Variants in EPHA6 observed in about 807,000 individuals in gnomAD.
EPHA6 encodes EPH receptor A6, also known as ephrin type-A receptor 6.
A neutral mutation model predicts 112.0 loss-of-function variants in EPHA6; 50 were observed. The observed-to-expected ratio is 0.45, with a 90% confidence interval of 0.36 to 0.56. The LOEUF (loss-of-function observed/expected upper bound fraction) is 0.56. Among genes scored for constraint, EPHA6 ranks in the 20% least tolerant of loss-of-function variants. The pLI is 0.00. For synonymous variants in EPHA6, 529 were observed against 490.7 expected (o/e 1.08, Z -1.03); for missense variants, 1,280 against 1,417.4 (o/e 0.90, Z 1.56).
At chr3:97,154,327 C>G (rs2108383215) in intron 3 of EPHA6, among the ~76,000 whole-genome samples, 1 of 151,628 alleles carries the variant, frequency 6.6e-6, no homozygotes, top group Non-Finnish European at 1.5e-5. Flanking sequence ...TACTATGTAC[C>G]CTTTAAAATT....
intron 3 of EPHA6, among the ~76,000 whole-genome samples, chr3:97,159,793 A>C (rs1015832765): frequency 2.0e-5 from 3 of 152,198 alleles, no homozygotes; most frequent in Non-Finnish European, 4.4e-5. Flanking sequence ...TGCTGTGTAG[A>C]ACACTATGAT....
At chr3:96,858,200 A>G (rs561009200) in intron 1 of EPHA6, among the ~76,000 whole-genome samples, 2 of 152,112 alleles carry the variant, frequency 1.3e-5, no homozygotes, top group South Asian at 4.1e-4. Context: ...TTTTTGTGTT[A>G]CTCTTCTTGT....
At chr3:96,872,120 C>G (rs753005097) in intron 2 of EPHA6, among the ~76,000 whole-genome samples, 8 of 152,086 alleles carry the variant, frequency 5.3e-5, no homozygotes, top group African/African-American at 1.2e-4. Flanking sequence ...AAATGAACAG[C>G]CTCCTGCACA....
intron 3 of EPHA6, among the ~76,000 whole-genome samples, chr3:97,139,369 C>A (rs546592206): frequency 6.6e-6 from 1 of 152,144 alleles, no homozygotes; most frequent in Admixed American, 6.5e-5. Context: ...CACTCTTACT[C>A]ACAAGTACCA....
At chr3:97,002,276 T>C (rs922057541) in intron 3 of EPHA6, among the ~76,000 whole-genome samples, 1 of 151,640 alleles carries the variant, frequency 6.6e-6, no homozygotes, top group Non-Finnish European at 1.5e-5. Context: ...TGCATTTATA[T>C]ATAGATTGCT....
Position 97,750,511 on chromosome 3 carries a change from C to G in EPHA6, c.*1810C>G, listed in dbSNP as rs2035874647. Among the ~76,000 whole-genome samples the G allele has an allele frequency of 6.6e-6, 1 of 151,964 alleles. No homozygotes were observed. The highest frequency in any genetic ancestry group is 6.6e-5 in the Admixed American group (1 of 15,260). ...AGCTGGGATTACAGGCGCCTGCCACCACTCCCGGCTAATTTTTGTATTTTT... is the reference window on the plus strand; with the variant it reads ...AGCTGGGATTACAGGCGCCTGCCACGACTCCCGGCTAATTTTTGTATTTTT... On this transcript the variant is annotated 3_prime_UTR_variant, in exon 18 of 18. Coordinates refer to ENST00000389672, the MANE Select transcript of EPHA6 (RefSeq NM_001080448.3).
At chr3:97,649,748 A>G (rs2107604489) in intron 14 of EPHA6, among the ~76,000 whole-genome samples, 1 of 147,334 alleles carries the variant, frequency 6.8e-6, no homozygotes, top group East Asian at 2.0e-4. Context: ...TTGGGAAAAA[A>G]CAACAAAATC....
chr3:97,032,030 A>G (rs956135663), intron 3 of EPHA6, among the ~76,000 whole-genome samples: 1 of 152,200 alleles, frequency 6.6e-6, no homozygotes, highest in Non-Finnish European at 1.5e-5. Context: ...CACAATAGCA[A>G]AGACTTGGAA....
chr3:97,145,643 A>T (rs1292477917), intron 3 of EPHA6, among the ~76,000 whole-genome samples: 2 of 151,666 alleles, frequency 1.3e-5, no homozygotes, highest in African/African-American at 4.8e-5. Context: ...TTGTCATTGA[A>T]AGAATTTGAC....
chr3:97,504,324 T>A (rs115838557), intron 10 of EPHA6, among the ~76,000 whole-genome samples: 5,841 of 152,190 alleles, frequency 0.038, 137 homozygotes, highest in South Asian at 0.083. Flanking sequence ...AAGAAAGAGC[T>A]CTGCAGTGGG....
intron 3 of EPHA6, among the ~76,000 whole-genome samples, chr3:97,070,572 G>T (rs546931660): frequency 6.6e-6 from 1 of 152,162 alleles, no homozygotes. Flanking sequence ...ACTCAGTAAT[G>T]ATTTTGAATT....
At chr3:97,001,557 AT>A (rs1319083254) in intron 3 of EPHA6, among the ~76,000 whole-genome samples, 1 of 152,008 alleles carries the variant, frequency 6.6e-6, no homozygotes, top group Non-Finnish European at 1.5e-5. Flanking sequence ...ACTTTTATAA[AT>A]AGTTCTCCAT....
intron 2 of EPHA6, among the ~76,000 whole-genome samples, chr3:96,876,536 A>G (rs1274971697): frequency 6.6e-6 from 1 of 151,622 alleles, no homozygotes; most frequent in East Asian, 1.9e-4. Context: ...CTGAAGATCA[A>G]TTTATGTCCA....
At chr3:97,335,659 A>G (rs1195237419) in intron 5 of EPHA6, among the ~76,000 whole-genome samples, 1 of 152,158 alleles carries the variant, frequency 6.6e-6, no homozygotes, top group African/African-American at 2.4e-5. Context: ...AATTCTGTCC[A>G]TAGCAGTGTA....
chr3:96,967,044 G>GA (rs988781101), intron 2 of EPHA6, among the ~76,000 whole-genome samples: 3 of 151,564 alleles, frequency 2.0e-5, no homozygotes, highest in Non-Finnish European at 2.9e-5. Flanking sequence ...TAAAACTTAT[G>GA]AAAAATCTAA....
intron 10 of EPHA6, among the ~76,000 whole-genome samples, chr3:97,525,952 A>G (rs2092613503): frequency 6.6e-6 from 1 of 152,136 alleles, no homozygotes; most frequent in Admixed American, 6.6e-5. Flanking sequence ...CTCCTGTTGG[A>G]TAACTAAATG....
chr3:97,339,169 T>C (rs2083193640), intron 5 of EPHA6, among the ~76,000 whole-genome samples: 1 of 152,162 alleles, frequency 6.6e-6, no homozygotes, highest in Non-Finnish European at 1.5e-5. Context: ...AGTCATGTAA[T>C]GTGCAGGCCT....
At chr3:97,226,699 T>A (rs2078367098) in intron 4 of EPHA6, among the ~76,000 whole-genome samples, 1 of 152,220 alleles carries the variant, frequency 6.6e-6, no homozygotes, top group South Asian at 2.1e-4. Flanking sequence ...TAATCTGTCC[T>A]TAGGAAATTA....
chr3:96,939,555 G>T (rs1333070602), intron 2 of EPHA6, among the ~76,000 whole-genome samples: 1 of 152,088 alleles, frequency 6.6e-6, no homozygotes, highest in African/African-American at 2.4e-5. Flanking sequence ...CAAAAAACCA[G>T]CTCCTGGATT....
Sources: allele counts gnomAD v4.1 joint callset (sites outside exome capture counted in the v4.1 genomes callset), GRCh38; gene constraint gnomAD v4.1.1; transcripts MANE v1.5; gene names NCBI Gene and HGNC (gene_info 2026-07-23, HGNC 2026-07-21).